The following KCNIP1 variants were observed in gnomAD, a reference collection of about 807,000 sequenced individuals.
KCNIP1 encodes the protein potassium voltage-gated channel interacting protein 1, also known as A-type potassium channel modulatory protein KCNIP1.
In KCNIP1, 18 loss-of-function variants were observed where a neutral mutation model predicts 33.0. That is an observed-to-expected ratio of 0.55 (90% CI 0.38 to 0.81). The LOEUF (loss-of-function observed/expected upper bound fraction) is 0.81, where lower values mean the gene tolerates loss of function less well. KCNIP1 is among the 30% of genes least tolerant of loss of function. The pLI is 0.00. For missense variants in KCNIP1, 238 were observed against 271.6 expected, an observed-to-expected ratio of 0.88 and a Z score of 0.87; for synonymous variants, 93 against 98.3, an observed-to-expected ratio of 0.95 and a Z score of 0.32.
chr5:170,609,570 G>C (rs1399114595), intron 1 of KCNIP1, among the ~76,000 whole-genome samples: 1 of 152,102 alleles, frequency 6.6e-6, no homozygotes, highest in East Asian at 1.9e-4. Context: ...GCCTGGCATG[G>C]CAGCTCACTC....
intron 1 of KCNIP1, chr5:170,712,979 C>G: frequency 2.0e-6 from 2 of 984,296 alleles, no homozygotes; most frequent in Non-Finnish European, 3.3e-6. Flanking sequence ...TTAGTCTTCT[C>G]ATGCACCAGC....
intron 1 of KCNIP1, among the ~76,000 whole-genome samples, chr5:170,371,280 C>T (rs13362016): frequency 6.6e-6 from 1 of 152,110 alleles, no homozygotes; most frequent in African/African-American, 2.4e-5. Flanking sequence ...ACAGCAGAAC[C>T]TTTGTGGGAC....
chr5:170,662,694 C>T (rs1323514134), intron 1 of KCNIP1, among the ~76,000 whole-genome samples: 1 of 152,226 alleles, frequency 6.6e-6, no homozygotes, highest in African/African-American at 2.4e-5. Flanking sequence ...ATCATGGGCA[C>T]AAGCCCTCGC....
At chr5:170,713,048 T>C (rs1246371134) in intron 1 of KCNIP1, among the ~76,000 whole-genome samples, 1 of 152,232 alleles carries the variant, frequency 6.6e-6, no homozygotes, top group Non-Finnish European at 1.5e-5. Context: ...AATGTTCTTT[T>C]AGAGACAAGT....
chr5:170,617,205 G>A (rs1320366482), intron 1 of KCNIP1, among the ~76,000 whole-genome samples: 1 of 152,028 alleles, frequency 6.6e-6, no homozygotes, highest in Non-Finnish European at 1.5e-5. Flanking sequence ...AAGATAACAG[G>A]CCTTCCCTGC....
intron 1 of KCNIP1, among the ~76,000 whole-genome samples, chr5:170,493,950 C>T (rs373244071): frequency 9.5e-4 from 144 of 152,330 alleles, no homozygotes; most frequent in South Asian, 2.9e-3. Context: ...CTGGTGCCAT[C>T]GCAGGACAGG....
chr5:170,652,943 C>T (rs1761108964), intron 1 of KCNIP1, among the ~76,000 whole-genome samples: 1 of 152,226 alleles, frequency 6.6e-6, no homozygotes. Context: ...AAAACGAAGG[C>T]CCTGCCTTCC....
At chr5:170,546,679 CT>C (rs903772205) in intron 1 of KCNIP1, among the ~76,000 whole-genome samples, 4 of 151,546 alleles carry the variant, frequency 2.6e-5, no homozygotes, top group Admixed American at 1.3e-4. Context: ...TGCGGCTTTT[CT>C]TTTTTTTTCT....
chr5:170,653,392 C>CTCT (rs1305043362), intron 1 of KCNIP1, among the ~76,000 whole-genome samples: 3 of 150,972 alleles, frequency 2.0e-5, no homozygotes, highest in Non-Finnish European at 4.4e-5. Flanking sequence ...CTTCTCCTCA[C>CTCT]TCTTCATCAT....
At chr5:170,627,695 G>A (rs1205971361) in intron 1 of KCNIP1, among the ~76,000 whole-genome samples, 1 of 152,222 alleles carries the variant, frequency 6.6e-6, no homozygotes, top group Non-Finnish European at 1.5e-5. Context: ...CCAACCTGTG[G>A]CATTTAGCCC....
chr5:170,697,218 C>T (rs1390746336), intron 1 of KCNIP1, among the ~76,000 whole-genome samples: 1 of 152,142 alleles, frequency 6.6e-6, no homozygotes, highest in African/African-American at 2.4e-5. Flanking sequence ...CTTTCCCCTG[C>T]CCCCATCCCA....
chr5:170,654,020 C>T (rs1761162286), intron 1 of KCNIP1, among the ~76,000 whole-genome samples: 1 of 152,292 alleles, frequency 6.6e-6, no homozygotes, highest in Non-Finnish European at 1.5e-5. Flanking sequence ...AAAGGTCACA[C>T]CATCCTTTTC....
At chr5:170,472,268 C>T (rs1039526264) in intron 1 of KCNIP1, among the ~76,000 whole-genome samples, 6 of 152,152 alleles carry the variant, frequency 3.9e-5, no homozygotes, top group African/African-American at 1.4e-4. Context: ...GAAGAAAGCT[C>T]TCGCAATGAG....
chr5:170,636,617 G>A (rs549819269), intron 1 of KCNIP1, among the ~76,000 whole-genome samples: 4 of 152,242 alleles, frequency 2.6e-5, no homozygotes, highest in African/African-American at 9.6e-5. Flanking sequence ...TTTCCATCCT[G>A]GACTTATCCC....
At chr5:170,513,547 A>G (rs13157259) in intron 1 of KCNIP1, among the ~76,000 whole-genome samples, 19,380 of 152,230 alleles carry the variant, frequency 0.13, 1,637 homozygotes, top group African/African-American at 0.24. Flanking sequence ...TCCACCAGCC[A>G]TCATCTTAGC....
At chr5:170,626,286 A>G (rs1390318719) in intron 1 of KCNIP1, among the ~76,000 whole-genome samples, 2 of 152,220 alleles carry the variant, frequency 1.3e-5, no homozygotes, top group Admixed American at 6.5e-5. Flanking sequence ...GCTCAGGAAT[A>G]TTCAGTCACT....
chr5:170,621,944 C>T (rs1212801186), intron 1 of KCNIP1, among the ~76,000 whole-genome samples: 2 of 152,316 alleles, frequency 1.3e-5, no homozygotes, highest in South Asian at 2.1e-4. Context: ...AGTATAGAGA[C>T]GTGTGGAGTC....
At chr5:170,656,756 A>C (rs908587731) in intron 1 of KCNIP1, among the ~76,000 whole-genome samples, 8 of 152,168 alleles carry the variant, frequency 5.3e-5, no homozygotes, top group Non-Finnish European at 1.5e-5. Flanking sequence ...AGTAGCCAGT[A>C]GGGTTCCAGC....
chr5:170,414,465 G>C lies in KCNIP1; in HGVS notation c.88+60501G>C, dbSNP rs566189332. 5.9e-5 allele frequency among the ~76,000 whole-genome samples: 9 copies of C among 152,342 alleles called. 1 individual carries two copies. The South Asian group carries it at 1.9e-3, about 32-fold the overall frequency. On this transcript the variant is annotated intron_variant, in intron 1 of 7. Coordinates refer to the KCNIP1 transcript ENST00000377360. ...CATGTTCAAACAGGGCAAATGCTGAGCTATAACCAACCCAGCTGTTTCTGT... is the reference window on the plus strand; with the variant it reads ...CATGTTCAAACAGGGCAAATGCTGACCTATAACCAACCCAGCTGTTTCTGT...
Sources: gnomAD v4.1 joint callset for allele counts (sites outside exome capture counted in the v4.1 genomes callset) on GRCh38, gnomAD v4.1.1 for gene constraint, MANE v1.5 for transcripts, NCBI Gene and HGNC (gene_info 2026-07-23, HGNC 2026-07-21) for gene names.